Variants in TBC1D32 observed in about 807,000 individuals in gnomAD.
The protein encoded by TBC1D32 is protein broad-minded.
Under a neutral mutation model 170.3 loss-of-function variants are expected in TBC1D32, and 151 were observed. The observed-to-expected ratio is 0.89, with a 90% CI of 0.78 to 1.01. The LOEUF (loss-of-function observed/expected upper bound fraction) is 1.01. Ranked by LOEUF, TBC1D32 falls within the 50% of genes least tolerant of loss-of-function variation. The pLI, the probability that TBC1D32 is intolerant of heterozygous loss-of-function variation, is 0.00. For missense variants in TBC1D32, 1,464 were observed against 1,457.1 expected (o/e 1.00, Z -0.08); for synonymous variants, 498 against 488.0 (o/e 1.02, Z -0.27).
At chr6:121,198,246 TTATATATATATATAA>T (rs1791067131) in intron 22 of TBC1D32, among the ~76,000 whole-genome samples, 1 of 118,942 alleles carries the variant, frequency 8.4e-6, no homozygotes, top group African/African-American at 2.9e-5. Context: ...AATATATATA[TTATATATATATATAA>T]TATATATATA....
chr6:121,329,555 G>A (rs1810933921), intron 1 of TBC1D32, among the ~76,000 whole-genome samples: 1 of 152,096 alleles, frequency 6.6e-6, no homozygotes, highest in South Asian at 2.1e-4. Context: ...GGGAGGCTGA[G>A]GCAAGAGAAT....
chr6:121,172,104 T>C (rs1282305096), intron 22 of TBC1D32, among the ~76,000 whole-genome samples: 1 of 152,100 alleles, frequency 6.6e-6, no homozygotes, highest in East Asian at 1.9e-4. Flanking sequence ...TCATGATATA[T>C]ATATATTCTC....
intron 11 of TBC1D32, 44 bp downstream of exon 11, chr6:121,294,526 A>G (rs776254908): frequency 1.2e-5 from 17 of 1,453,644 alleles, no homozygotes; most frequent in Non-Finnish European, 1.5e-5. Flanking sequence ...TACTAATAAA[A>G]TTTACCATTT....
At chr6:121,246,706 G>A (rs1435011253) in intron 17 of TBC1D32, among the ~76,000 whole-genome samples, 2 of 151,628 alleles carry the variant, frequency 1.3e-5, no homozygotes, top group East Asian at 2.0e-4. Context: ...ACAATTTCTG[G>A]AAATGAAAGA....
At position 121,291,932 on chromosome 6, in the gene TBC1D32, A is replaced by T. The variant is rs987406638; in HGVS notation, c.1372+121T>A. 4 of 1,057,248 alleles carry T rather than the reference A, an allele frequency of 3.8e-6. No individual in the cohort carries two copies. In the African/African-American group the frequency reaches 5.0e-5, roughly 13 times the overall value. 65.5% of individuals were successfully genotyped at this position (1,057,248 alleles called of 1,614,324 possible). A position where few individuals can be genotyped will look rare whatever the true frequency, so the allele number is the denominator to read the frequency against. On this transcript the variant is annotated intron_variant, in intron 12 of 31. Transcript: ENST00000398212. ...TTCAAAGTGTATAAGCTATCAATAG[A>T]CTAAAAGGTATGTAGCTAAGTACCG...
intron 15 of TBC1D32, among the ~76,000 whole-genome samples, chr6:121,270,696 G>A (rs1801268835): frequency 6.6e-6 from 1 of 152,132 alleles, no homozygotes; most frequent in Non-Finnish European, 1.5e-5. Flanking sequence ...AGAGGAGCTG[G>A]TACCATTACT....
chr6:121,319,815 A>C (rs1809448123), intron 2 of TBC1D32, among the ~76,000 whole-genome samples: 1 of 152,214 alleles, frequency 6.6e-6, no homozygotes, highest in Admixed American at 6.5e-5. Context: ...ATCAATATCA[A>C]GAGTTAAATG....
intron 31 of TBC1D32, among the ~76,000 whole-genome samples, chr6:121,085,224 TA>T (rs1776068658): frequency 7.3e-6 from 1 of 136,198 alleles, no homozygotes; most frequent in Non-Finnish European, 1.5e-5. Context: ...TATATACACA[TA>T]TATATATACA....
At chr6:121,319,818 G>A (rs1390229999) in intron 2 of TBC1D32, among the ~76,000 whole-genome samples, 1 of 152,030 alleles carries the variant, frequency 6.6e-6, no homozygotes, top group African/African-American at 2.4e-5. Context: ...AATATCAAGA[G>A]TTAAATGAAC....
intron 27 of TBC1D32, among the ~76,000 whole-genome samples, chr6:121,113,963 C>T (rs948710659): frequency 2.0e-5 from 3 of 152,118 alleles, no homozygotes; most frequent in Non-Finnish European, 4.4e-5. Flanking sequence ...ATCATGAGGT[C>T]AGGAGTTTGA....
chr6:121,102,256 A>G (rs1778194905), intron 30 of TBC1D32, among the ~76,000 whole-genome samples: 1 of 152,166 alleles, frequency 6.6e-6, no homozygotes, highest in African/African-American at 2.4e-5. Context: ...TTCATGTGGA[A>G]CCAGAAAAGA....
At chr6:121,175,696 C>T (rs543718292) in intron 22 of TBC1D32, among the ~76,000 whole-genome samples, 1 of 152,056 alleles carries the variant, frequency 6.6e-6, no homozygotes, top group East Asian at 1.9e-4. Flanking sequence ...GAAAGGTTAC[C>T]TCTTTAATTT....
intron 13 of TBC1D32, among the ~76,000 whole-genome samples, chr6:121,282,455 A>T (rs887425877): frequency 6.6e-6 from 1 of 151,304 alleles, no homozygotes; most frequent in Non-Finnish European, 1.5e-5. Flanking sequence ...GGTGTGTTTT[A>T]TTATTAAGTG....
chr6:121,118,427 G>T (rs1457977309), intron 26 of TBC1D32, among the ~76,000 whole-genome samples: 1 of 152,050 alleles, frequency 6.6e-6, no homozygotes, highest in Non-Finnish European at 1.5e-5. Context: ...AACTATAAAT[G>T]CAATAGTTTC....
At chr6:121,319,869 G>C (rs780474451) in intron 2 of TBC1D32, among the ~76,000 whole-genome samples, 3 of 151,882 alleles carry the variant, frequency 2.0e-5, no homozygotes, top group Non-Finnish European at 4.4e-5. Context: ...AAAAGACTAA[G>C]AAAAAACAGA....
At chr6:121,114,500 C>A (rs1779501124) in intron 27 of TBC1D32, among the ~76,000 whole-genome samples, 1 of 151,932 alleles carries the variant, frequency 6.6e-6, no homozygotes, top group African/African-American at 2.4e-5. Context: ...GAATCATATG[C>A]CCTATGTGAT....
chr6:121,250,544 T>C (rs2128383414), intron 17 of TBC1D32, among the ~76,000 whole-genome samples: 1 of 152,240 alleles, frequency 6.6e-6, no homozygotes, highest in East Asian at 1.9e-4. Context: ...CACCCCTTTA[T>C]GCTAAAAACT....
rs771002299 is a variant in TBC1D32 at position 121,157,585 on chromosome 6, T to C, written c.2773+2425A>G. On this transcript the variant is annotated intron_variant, in intron 24 of 31. Transcript: ENST00000398212. ...TTGTTTTATAGACTTGATGGTGTAA[T>C]TCCTTTATACTGTCTGTGAGTTATG... Among the ~76,000 whole-genome samples, 56 of 152,164 alleles carry C rather than the reference T, an allele frequency of 3.7e-4. 1 individual carries two copies. The highest frequency in any genetic ancestry group is 7.2e-4 in the Non-Finnish European group (49 of 68,012).
intron 24 of TBC1D32, among the ~76,000 whole-genome samples, chr6:121,135,377 T>C (rs1562601251): frequency 6.6e-6 from 1 of 152,168 alleles, no homozygotes; most frequent in Non-Finnish European, 1.5e-5. Context: ...GAACTAGGAA[T>C]AGACTTGCCT....
Sources: allele counts gnomAD v4.1 joint callset (sites outside exome capture counted in the v4.1 genomes callset), GRCh38; gene constraint gnomAD v4.1.1; transcripts MANE v1.5; gene names NCBI Gene and HGNC (gene_info 2026-07-23, HGNC 2026-07-21).